TBC1D3G: variants seen among roughly 807,000 people sequenced by gnomAD.
TBC1D3G encodes TBC1 domain family member 3G.
the TBC1D3G span, among the ~76,000 whole-genome samples, chr17:36,318,367 G>A: frequency 1.8e-5 from 1 of 55,808 alleles, no homozygotes; most frequent in African/African-American, 5.9e-5. Flanking sequence ...GCCAGGCATA[G>A]TGATACATGC....
At chr17:36,326,448 C>T (rs1368772411) in intron 3 of TBC1D3G, among the ~76,000 whole-genome samples, 1 of 99,036 alleles carries the variant, frequency 1.0e-5, no homozygotes, top group Non-Finnish European at 2.2e-5. Flanking sequence ...AGCTGACGAG[C>T]GGTGCCACTT....
upstream of TBC1D3G, chr17:36,319,888 GT>G: frequency 5.5e-6 from 1 of 182,878 alleles, no homozygotes; most frequent in Admixed American, 9.4e-5. Flanking sequence ...CCTAGAAAGC[GT>G]TTTATGTAAT....
chr17:36,317,797 A>G, the TBC1D3G span, among the ~76,000 whole-genome samples: 1 of 141,836 alleles, frequency 7.1e-6, no homozygotes, highest in Non-Finnish European at 1.5e-5. Flanking sequence ...CATTCAACTC[A>G]TTAGTGAGTG....
At chr17:36,317,002 GTC>G in the TBC1D3G span, among the ~76,000 whole-genome samples, 1 of 16,214 alleles carries the variant, frequency 6.2e-5, no homozygotes, top group Middle Eastern at 0.022. Flanking sequence ...CAATCCTCCT[GTC>G]TCTGCCTCCT....
intron 3 of TBC1D3G, among the ~76,000 whole-genome samples, chr17:36,326,454 C>T (rs2069386956): frequency 1.1e-5 from 1 of 93,410 alleles, no homozygotes; most frequent in Non-Finnish European, 2.3e-5. Context: ...CGAGCGGTGC[C>T]ACTTCTGAAA....
chr17:36,327,654 CAG>C, intron 5 of TBC1D3G, 37 bp downstream of exon 5: 14 of 951,916 alleles, frequency 1.5e-5, no homozygotes, highest in Non-Finnish European at 1.9e-5. Context: ...TCTGCAGAGA[CAG>C]GGGACAGGCA....
upstream of TBC1D3G, among the ~76,000 whole-genome samples, chr17:36,322,160 T>C (rs2069370637): frequency 6.8e-6 from 1 of 146,822 alleles, no homozygotes; most frequent in African/African-American, 2.4e-5. Flanking sequence ...CCTTCTGCCA[T>C]GATTGTAAGT....
chr17:36,317,470 CTCAAG>C, the TBC1D3G span, among the ~76,000 whole-genome samples: 1 of 115,070 alleles, frequency 8.7e-6, no homozygotes, highest in Admixed American at 8.6e-5. Flanking sequence ...AACTCCTGGG[CTCAAG>C]TGATCTTCCT....
the TBC1D3G span, among the ~76,000 whole-genome samples, chr17:36,317,779 C>A: frequency 2.8e-5 from 4 of 144,016 alleles, no homozygotes; most frequent in African/African-American, 1.0e-4. Flanking sequence ...TTCTCAGTTT[C>A]TCTTGAACAT....
At chr17:36,316,918 TCTCA>T in the TBC1D3G span, among the ~76,000 whole-genome samples, 3 of 116,430 alleles carry the variant, frequency 2.6e-5, no homozygotes, top group Non-Finnish European at 6.1e-5. Context: ...TAAGACAGAG[TCTCA>T]CTCTGTCAGT....
At chr17:36,320,062 T>TAA (rs1179383221), upstream of TBC1D3G, 602 of 303,284 alleles carry the variant, frequency 2.0e-3, no homozygotes, top group South Asian at 4.1e-3. Context: ...GGGGATAAGG[T>TAA]AAAAAAAAAA....
At chr17:36,317,764 ACT>A in the TBC1D3G span, among the ~76,000 whole-genome samples, 2 of 145,004 alleles carry the variant, frequency 1.4e-5, no homozygotes, top group Non-Finnish European at 3.0e-5. Flanking sequence ...TATAAGCAGT[ACT>A]CTTTCTCAGT....
intron 3 of TBC1D3G, among the ~76,000 whole-genome samples, chr17:36,326,450 G>T: frequency 1.0e-5 from 1 of 96,146 alleles, no homozygotes; most frequent in Non-Finnish European, 2.3e-5. Context: ...CTGACGAGCG[G>T]TGCCACTTCT....
At chr17:36,318,098 C>T in the TBC1D3G span, among the ~76,000 whole-genome samples, 3 of 73,098 alleles carry the variant, frequency 4.1e-5, no homozygotes, top group East Asian at 1.6e-3. Context: ...TTGCTTGAGC[C>T]CCGGTGTTCA....
chr17:36,318,435 C>CAAAAAAAAAAAAAAAAAAAAAAAAAAAAA, the TBC1D3G span, among the ~76,000 whole-genome samples: 9 of 10,436 alleles, frequency 8.6e-4, 4 homozygotes, highest in African/African-American at 1.8e-3. Flanking sequence ...GACTTTGTCT[C>CAAAAAAAAAAAAAAAAAAAAAAAAAAAAA]AAAAAAAAAA....
At position 36,327,674 on chromosome 17, in the gene TBC1D3G, C is replaced by CT. The variant is rs1236517722; in HGVS notation, c.279+58dup. 12 of 847,780 alleles carry CT rather than the reference C, an allele frequency of 1.4e-5. No homozygotes were observed. The Admixed American group carries it at 1.8e-4, about 13-fold the overall frequency. The allele number at this position is 847,780 out of a possible 1,614,324, so 52.5% of individuals were successfully genotyped here. On this transcript the variant is annotated intron_variant, in intron 5 of 13. Coordinates refer to ENST00000569055, the MANE Select transcript of TBC1D3G (RefSeq NM_001291462.2). ...AGAGACAGGGGACAGGCACCCATGG[C>CT]TGTGGCCTGGCACCATCAGCCTCTC...
At chr17:36,321,994 AGT>A (rs1299393950), upstream of TBC1D3G, among the ~76,000 whole-genome samples, 1 of 111,524 alleles carries the variant, frequency 9.0e-6, no homozygotes, top group Non-Finnish European at 2.1e-5. Context: ...CTCTATAAAA[AGT>A]ACAAAAATTA....
chr17:36,317,719 A>T, the TBC1D3G span, among the ~76,000 whole-genome samples: 1 of 138,360 alleles, frequency 7.2e-6, no homozygotes, highest in South Asian at 2.3e-4. Flanking sequence ...ATTCATTACT[A>T]AACTACATTT....
the TBC1D3G span, among the ~76,000 whole-genome samples, chr17:36,317,558 G>T: frequency 7.5e-6 from 1 of 132,468 alleles, no homozygotes; most frequent in African/African-American, 2.9e-5. Flanking sequence ...TCACTAATAG[G>T]CTTAATCAAC....
Sources: gnomAD v4.1 joint callset for allele counts (sites outside exome capture counted in the v4.1 genomes callset) on GRCh38, gnomAD v4.1.1 for gene constraint, MANE v1.5 for transcripts, NCBI Gene and HGNC (gene_info 2026-07-23, HGNC 2026-07-21) for gene names.